IFT80: variants seen among roughly 807,000 people sequenced by gnomAD.
The protein encoded by IFT80 is intraflagellar transport 80, also known as intraflagellar transport protein 80 homolog.
A neutral mutation model predicts 107.9 loss-of-function variants in IFT80; 79 were observed. The observed-to-expected ratio is 0.73, with a 90% CI of 0.61 to 0.88. IFT80 has a LOEUF of 0.88. Among genes scored for constraint, IFT80 ranks in the 40% least tolerant of loss-of-function variants. The pLI is 0.00. For synonymous variants in IFT80, 299 were observed against 300.9 expected (o/e 0.99, Z 0.07); for missense variants, 797 against 914.2 (o/e 0.87, Z 1.65).
intron 18 of IFT80, among the ~76,000 whole-genome samples, chr3:160,270,957 C>T (rs940630334): frequency 3.9e-5 from 6 of 151,996 alleles, no homozygotes; most frequent in African/African-American, 1.5e-4. Context: ...TTCCAAAATT[C>T]CGAATGAGAT....
At chr3:160,320,043 T>C (rs957973636) in intron 8 of IFT80, 104 bp from the exon 9 acceptor site, 2 of 757,336 alleles carry the variant, frequency 2.6e-6, no homozygotes, top group Non-Finnish European at 4.4e-6. Flanking sequence ...TTTAAAAGAA[T>C]GTCTATTCTG....
intron 10 of IFT80, among the ~76,000 whole-genome samples, chr3:160,306,091 T>G (rs1210735766): frequency 6.6e-6 from 1 of 152,176 alleles, no homozygotes; most frequent in Non-Finnish European, 1.5e-5. Flanking sequence ...GGTATTAATA[T>G]TTTGTACCTT....
At chr3:160,275,522 G>A (rs1224969790) in intron 18 of IFT80, among the ~76,000 whole-genome samples, 1 of 152,066 alleles carries the variant, frequency 6.6e-6, no homozygotes, top group Non-Finnish European at 1.5e-5. Flanking sequence ...TACATAGTAG[G>A]TAGTTAATAT....
chr3:160,290,699 C>T (rs1715489003), intron 12 of IFT80, among the ~76,000 whole-genome samples: 1 of 151,948 alleles, frequency 6.6e-6, no homozygotes, highest in African/African-American at 2.4e-5. Flanking sequence ...TCCTGCCTCA[C>T]CCTCCCGAAT....
At chr3:160,319,612 G>T in intron 9 of IFT80, 148 bp downstream of exon 9, 1 of 709,630 alleles carries the variant, frequency 1.4e-6, no homozygotes, top group Non-Finnish European at 2.3e-6. Context: ...GTCAGAGAAA[G>T]TGACTAATGG....
intron 12 of IFT80, among the ~76,000 whole-genome samples, chr3:160,290,627 C>G (rs1447727350): frequency 6.6e-6 from 1 of 152,074 alleles, no homozygotes; most frequent in Non-Finnish European, 1.5e-5. Context: ...GTTGACCAGG[C>G]TGGAGTGCAG....
At chr3:160,265,958 A>C (rs1713284354) in intron 19 of IFT80, among the ~76,000 whole-genome samples, 1 of 152,180 alleles carries the variant, frequency 6.6e-6, no homozygotes, top group Admixed American at 6.5e-5. Context: ...AAAGGTCAGC[A>C]AGTAATGCAG....
intron 6 of IFT80, among the ~76,000 whole-genome samples, chr3:160,360,824 C>T (rs1450921116): frequency 6.6e-6 from 1 of 152,026 alleles, no homozygotes; most frequent in Non-Finnish European, 1.5e-5. Context: ...ATTTTGTCAC[C>T]ACCAGGCCTG....
At chr3:160,263,219 C>T (rs983001636) in intron 19 of IFT80, among the ~76,000 whole-genome samples, 1 of 152,182 alleles carries the variant, frequency 6.6e-6, no homozygotes, top group African/African-American at 2.4e-5. Flanking sequence ...TCTCCTCCCA[C>T]CCCCAGTCAC....
At chr3:160,298,563 T>C (rs779522935) in intron 12 of IFT80, among the ~76,000 whole-genome samples, 1 of 152,062 alleles carries the variant, frequency 6.6e-6, no homozygotes, top group Non-Finnish European at 1.5e-5. Context: ...TAATGAAATA[T>C]GTTCCAGATG....
At chr3:160,311,990 C>A (rs1280738105) in intron 9 of IFT80, among the ~76,000 whole-genome samples, 1 of 152,124 alleles carries the variant, frequency 6.6e-6, no homozygotes, top group Non-Finnish European at 1.5e-5. Flanking sequence ...ACCGTGTTAG[C>A]CAGGATGGCC....
intron 3 of IFT80, among the ~76,000 whole-genome samples, chr3:160,381,231 C>A (rs533436773): frequency 0.017 from 1,277 of 73,470 alleles, 9 homozygotes; most frequent in Non-Finnish European, 0.033. Flanking sequence ...AGTGAGACCC[C>A]ATCTCTAAAT....
chr3:160,310,368 A>G lies in IFT80; in HGVS notation c.958-2587T>C, dbSNP rs115169249. ...TGTTAAAATCTACAAGTTTATCATG[A>G]TAACATCAATGACAAGAAAAAAGAA... On this transcript the variant is annotated intron_variant, in intron 9 of 19. Coordinates refer to ENST00000326448, the MANE Select transcript of IFT80 (RefSeq NM_020800.3). Among the ~76,000 whole-genome samples, 683 of 152,328 alleles carry G rather than the reference A, an allele frequency of 4.5e-3. 6 individuals carry two copies. The highest frequency in any genetic ancestry group is 0.016 in the African/African-American group (659 of 41,580).
At chr3:160,313,983 G>C (rs192775001) in intron 9 of IFT80, among the ~76,000 whole-genome samples, 4 of 151,994 alleles carry the variant, frequency 2.6e-5, no homozygotes. Context: ...CCTGATATTC[G>C]CATCACCTAA....
At position 160,346,839 on chromosome 3, in the gene IFT80, C is replaced by A. The variant is rs147897827; in HGVS notation, c.777+9174G>T. ...ACCTACAACTCTACTTTAGCTTTCA[C>A]TCCTTGTTTGTTCATAAATGAAAGA... On this transcript the variant is annotated intron_variant, in intron 8 of 19. Transcript: ENST00000326448. Among the ~76,000 whole-genome samples, 51 of 152,246 alleles carry A rather than the reference C, an allele frequency of 3.3e-4. No homozygotes were observed. The South Asian group carries it at 4.1e-3, about 12-fold the overall frequency.
At chr3:160,283,143 G>A (rs1234236076) in intron 13 of IFT80, among the ~76,000 whole-genome samples, 2 of 152,112 alleles carry the variant, frequency 1.3e-5, no homozygotes, top group Non-Finnish European at 2.9e-5. Context: ...TTGCAAATCA[G>A]AAGACTAGAC....
At chr3:160,355,920 T>C in intron 8 of IFT80, 93 bp downstream of exon 8, 3 of 1,401,054 alleles carry the variant, frequency 2.1e-6, no homozygotes, top group South Asian at 1.2e-5. Flanking sequence ...GATGCATCCA[T>C]TGAAAATGTT....
At chr3:160,350,456 CT>C (rs1331413025) in intron 8 of IFT80, among the ~76,000 whole-genome samples, 7 of 147,908 alleles carry the variant, frequency 4.7e-5, no homozygotes, top group Non-Finnish European at 1.0e-4. Flanking sequence ...TATTTACATA[CT>C]TTTTTTTAAC....
chr3:160,393,688 A>G (rs961928531), intron 1 of IFT80, among the ~76,000 whole-genome samples: 2 of 152,238 alleles, frequency 1.3e-5, no homozygotes, highest in Non-Finnish European at 2.9e-5. Flanking sequence ...AAAAGAAAAT[A>G]AAAGAATTAG....
Sources: gnomAD v4.1 joint callset for allele counts (sites outside exome capture counted in the v4.1 genomes callset) on GRCh38, gnomAD v4.1.1 for gene constraint, MANE v1.5 for transcripts, NCBI Gene and HGNC (gene_info 2026-07-23, HGNC 2026-07-21) for gene names.